Variants in NTNG1 observed in about 807,000 individuals in gnomAD.
NTNG1 encodes the protein netrin-G1.
NTNG1 carries 16 observed loss-of-function variants against 54.0 expected under a neutral mutation model. The observed-to-expected ratio is 0.30, with a 90% CI of 0.20 to 0.45. The LOEUF is 0.45. NTNG1 is among the 20% of genes least tolerant of loss of function. The probability of loss-of-function intolerance (pLI) is 1.00; values close to 1 mark genes in which losing one functional copy is unlikely to be tolerated. For missense variants in NTNG1, 530 were observed against 678.7 expected, an observed-to-expected ratio of 0.78 and a Z score of 2.43; for synonymous variants, 255 against 263.1, an observed-to-expected ratio of 0.97 and a Z score of 0.30.
chr1:107,190,943 G>C (rs1657866294), intron 2 of NTNG1, among the ~76,000 whole-genome samples: 1 of 152,160 alleles, frequency 6.6e-6, no homozygotes, highest in Non-Finnish European at 1.5e-5. Flanking sequence ...TATATACCCA[G>C]TAATGGGATG....
chr1:107,210,174 C>A (rs992546532), intron 2 of NTNG1, among the ~76,000 whole-genome samples: 5 of 152,012 alleles, frequency 3.3e-5, no homozygotes, highest in Non-Finnish European at 7.4e-5. Context: ...GGAGACCAAG[C>A]AGAGGAGTTT....
intron 6 of NTNG1, 90 bp downstream of exon 6, chr1:107,431,007 G>A: frequency 6.7e-6 from 8 of 1,191,406 alleles, no homozygotes; most frequent in Non-Finnish European, 9.5e-6. Flanking sequence ...TTTGCACCGC[G>A]GTTGAGCCAG....
chr1:107,375,067 G>A (rs748934648), intron 3 of NTNG1, among the ~76,000 whole-genome samples: 4 of 152,076 alleles, frequency 2.6e-5, no homozygotes, highest in Non-Finnish European at 4.4e-5. Context: ...TAATACTTTT[G>A]GAGGTTTTTT....
chr1:107,279,628 A>T (rs1182985247), intron 2 of NTNG1, among the ~76,000 whole-genome samples: 4 of 152,162 alleles, frequency 2.6e-5, no homozygotes, highest in Admixed American at 6.6e-5. Context: ...TCTAGAATAC[A>T]TCTTTAGCTT....
chr1:107,358,581 G>C (rs1185930812), intron 3 of NTNG1, among the ~76,000 whole-genome samples: 1 of 151,784 alleles, frequency 6.6e-6, no homozygotes, highest in African/African-American at 2.4e-5. Context: ...ACCTATGGGG[G>C]AGAAAAGCCT....
At chr1:107,353,255 C>A (rs892444843) in intron 3 of NTNG1, among the ~76,000 whole-genome samples, 3 of 152,178 alleles carry the variant, frequency 2.0e-5, no homozygotes, top group Admixed American at 2.0e-4. Context: ...CAAGCCATTT[C>A]TTTGCCCACA....
chr1:107,407,492 TTG>T (rs3838422), intron 4 of NTNG1, among the ~76,000 whole-genome samples, 188 bp from the exon 5 acceptor site: 43 of 150,252 alleles, frequency 2.9e-4, no homozygotes, highest in African/African-American at 9.5e-4. Context: ...TTGCTGGAAA[TTG>T]TGTGTGTGTG....
chr1:107,437,889 A>T (rs1675705753), intron 7 of NTNG1, among the ~76,000 whole-genome samples: 1 of 152,182 alleles, frequency 6.6e-6, no homozygotes. Context: ...TGTGTCTACC[A>T]TATTGGACAG....
intron 2 of NTNG1, among the ~76,000 whole-genome samples, chr1:107,244,814 A>G (rs539951823): frequency 6.6e-6 from 1 of 152,146 alleles, no homozygotes; most frequent in Non-Finnish European, 1.5e-5. Flanking sequence ...TGACTGTGGC[A>G]CGGTCTGGAC....
intron 5 of NTNG1, 106 bp downstream of exon 5, chr1:107,407,814 A>G: frequency 1.0e-6 from 1 of 973,684 alleles, no homozygotes. Context: ...TTCTGATGTA[A>G]TAGGGTATTT....
At chr1:107,369,045 C>A (rs1464121396) in intron 3 of NTNG1, among the ~76,000 whole-genome samples, 1 of 152,084 alleles carries the variant, frequency 6.6e-6, no homozygotes, top group East Asian at 1.9e-4. Flanking sequence ...TATAATATGA[C>A]TCTTTTATCA....
chr1:107,221,303 C>T (rs1660326640), intron 2 of NTNG1, among the ~76,000 whole-genome samples: 2 of 152,098 alleles, frequency 1.3e-5, no homozygotes, highest in South Asian at 4.1e-4. Context: ...TGGGCTTCAG[C>T]CCACAAGGAG....
rs946460375 is a variant in NTNG1 at position 107,454,558 on chromosome 1, A to G, written c.1390+17759A>G. Among the ~76,000 whole-genome samples the G allele has an allele frequency of 3.3e-5, 5 of 152,160 alleles. No homozygotes were observed. In the East Asian group the frequency reaches 9.6e-4, roughly 29 times the overall value. On this transcript the variant is annotated intron_variant, in intron 7 of 7. Coordinates refer to ENST00000370068, the MANE Select transcript of NTNG1 (RefSeq NM_001113226.3). Reference sequence around the variant, plus strand: ...TGTGTCTTTTTACCAAAAAAAAAAAATCACTCTGACCAATTCCTCAAACCT... The same window carrying G: ...TGTGTCTTTTTACCAAAAAAAAAAAGTCACTCTGACCAATTCCTCAAACCT...
intron 2 of NTNG1, among the ~76,000 whole-genome samples, chr1:107,271,747 A>C (rs963941523): frequency 6.6e-6 from 1 of 152,194 alleles, no homozygotes; most frequent in Non-Finnish European, 1.5e-5. Context: ...TAGGTGAAAA[A>C]AAAATTCTAC....
intron 7 of NTNG1, among the ~76,000 whole-genome samples, chr1:107,448,504 T>C (rs190252247): frequency 1.2e-4 from 19 of 152,194 alleles, no homozygotes; most frequent in Admixed American, 6.6e-4. Flanking sequence ...TGCAGAATCA[T>C]AGACCCACCT....
At chr1:107,213,386 G>A (rs1659723193) in intron 2 of NTNG1, among the ~76,000 whole-genome samples, 1 of 152,244 alleles carries the variant, frequency 6.6e-6, no homozygotes, top group East Asian at 1.9e-4. Flanking sequence ...CTCCTGCCAC[G>A]CTCTCTCCGC....
intron 3 of NTNG1, among the ~76,000 whole-genome samples, chr1:107,375,006 G>A (rs987722939): frequency 6.6e-6 from 1 of 152,164 alleles, no homozygotes. Flanking sequence ...AGTCTGACTA[G>A]TGAGCACCGG....
intron 3 of NTNG1, among the ~76,000 whole-genome samples, chr1:107,360,988 T>G (rs1165242795): frequency 6.6e-6 from 1 of 151,784 alleles, no homozygotes. Flanking sequence ...CTATCTCACT[T>G]CTTTAACTCT....
chr1:107,211,344 C>T (rs1659586253), intron 2 of NTNG1, among the ~76,000 whole-genome samples: 1 of 152,092 alleles, frequency 6.6e-6, no homozygotes, highest in Admixed American at 6.6e-5. Context: ...CTCTTATCTT[C>T]ATACATATGT....
Sources: gnomAD v4.1 joint callset for allele counts (sites outside exome capture counted in the v4.1 genomes callset) on GRCh38, gnomAD v4.1.1 for gene constraint, MANE v1.5 for transcripts, NCBI Gene and HGNC (gene_info 2026-07-23, HGNC 2026-07-21) for gene names.